EYA3: variants seen among roughly 807,000 people sequenced by gnomAD.
EYA3 encodes the protein EYA transcriptional coactivator and phosphatase 3, also known as protein phosphatase EYA3.
In EYA3, 39 loss-of-function variants were observed where a neutral mutation model predicts 80.0. The ratio of observed to expected loss-of-function variants is 0.49; its 90% CI spans 0.38 to 0.64. The LOEUF is 0.64. Among genes scored for constraint, EYA3 ranks in the 30% least tolerant of loss-of-function variants. EYA3 has a pLI of 0.00. For synonymous variants in EYA3, 206 were observed against 232.8 expected (o/e 0.88, Z 1.05); for missense variants, 523 against 676.1 (o/e 0.77, Z 2.51).
intron 7 of EYA3, among the ~76,000 whole-genome samples, chr1:28,021,318 CA>C (rs1389030217): frequency 1.3e-5 from 2 of 152,204 alleles, no homozygotes; most frequent in Non-Finnish European, 2.9e-5. Context: ...CTCACTTCCT[CA>C]AAGAGGGTCT....
chr1:27,989,721 T>G lies in EYA3; in HGVS notation c.1394A>C (p.Lys465Thr), dbSNP rs1369691290. 1 of 1,611,834 alleles carries G rather than the reference T, an allele frequency of 6.2e-7. No individual in the cohort carries two copies. Reference sequence around the variant, plus strand: ...CCTGGACTGGATGAGAAGTAAGGACTTTAATGCAGTTCCTAACCAGGAATC... The same window carrying G: ...CCTGGACTGGATGAGAAGTAAGGACGTTAATGCAGTTCCTAACCAGGAATC... ...LTDSWLGTAL[K>T]SLLLIQSRKN... Residue 465 changes from lysine (K) to threonine (T), a missense_variant, in exon 15 of 18, where the codon AAG becomes ACG. Around this residue, in one of 2 missense-constraint regions of EYA3, gnomAD observed 219 missense variants for 332.8 expected, o/e 0.66. Transcript: ENST00000373871.
At chr1:28,042,729 C>T in intron 3 of EYA3, 79 bp from the exon 4 acceptor site, 1 of 1,095,368 alleles carries the variant, frequency 9.1e-7, no homozygotes, top group African/African-American at 1.5e-5. Context: ...AAACCCATTT[C>T]CTCCTAGGCT....
intron 13 of EYA3, among the ~76,000 whole-genome samples, chr1:27,995,372 C>A (rs543541947): frequency 7.6e-6 from 1 of 131,286 alleles, no homozygotes; most frequent in African/African-American, 2.9e-5. Flanking sequence ...TATATGATCA[C>A]AACACTGCAC....
intron 3 of EYA3, among the ~76,000 whole-genome samples, chr1:28,045,963 C>T (rs1474545300): frequency 6.6e-6 from 1 of 152,102 alleles, no homozygotes; most frequent in East Asian, 1.9e-4. Flanking sequence ...ACACATGCTA[C>T]AAATGGATAG....
In EYA3 at chr1:28,040,101, A is replaced by C. The variant is rs188812056; in HGVS notation, c.158-1196T>G. 2.0e-3 allele frequency among the ~76,000 whole-genome samples: 301 copies of C among 152,342 alleles called. 2 individuals are homozygous for C. The highest frequency in any genetic ancestry group is 0.018 in the Admixed American group (275 of 15,302). On this transcript the variant is annotated intron_variant, in intron 4 of 17. Coordinates refer to ENST00000373871, the MANE Select transcript of EYA3 (RefSeq NM_001990.4). ...GATCTTCACAGTACTTGGGAACCAC[A>C]AAATGATTATAAAGAGTCAAGATAT...
intron 7 of EYA3, among the ~76,000 whole-genome samples, chr1:28,018,367 CT>C (rs761224152): frequency 1.3e-5 from 2 of 152,104 alleles, no homozygotes; most frequent in Non-Finnish European, 2.9e-5. Flanking sequence ...TAACCAGTGA[CT>C]TTTCTCAGGT....
intron 6 of EYA3, among the ~76,000 whole-genome samples, chr1:28,032,498 C>T (rs1304977825): frequency 3.3e-5 from 5 of 152,060 alleles, no homozygotes; most frequent in African/African-American, 1.2e-4. Context: ...ATGAAATGAA[C>T]ATCCTTAAGG....
At position 28,013,429 on chromosome 1, in the gene EYA3, TA is replaced by T. The variant is rs1557567873; in HGVS notation, c.586-136del. ...TAATTTGACTTCTCATTTACCTACC[TA>T]AAAGTCTCCAATCTAAATCAATGAT... On this transcript the variant is annotated intron_variant, in intron 8 of 17. Coordinates refer to ENST00000373871, the MANE Select transcript of EYA3 (RefSeq NM_001990.4). This position sits in a 1 kb window ranked among gnomAD's most constrained non-coding sequence, Gnocchi z 4.0. 3.0e-5 allele frequency: 23 copies of T among 768,622 alleles called. No homozygotes were observed. Among genetic ancestry groups the T allele is most frequent in the Non-Finnish European group, 4.3e-5 (22 of 508,274 alleles). 47.6% of individuals were successfully genotyped at this position (768,622 alleles called of 1,614,324 possible). A position where few individuals can be genotyped will look rare whatever the true frequency, so the allele number is the denominator to read the frequency against.
chr1:28,072,081 A>G (rs774546932), intron 1 of EYA3, among the ~76,000 whole-genome samples: 24 of 152,158 alleles, frequency 1.6e-4, no homozygotes, highest in Non-Finnish European at 2.9e-4. Context: ...GCAACTCAAA[A>G]TGATGACACA....
At chr1:27,987,449 C>A (rs1038293347) in intron 16 of EYA3, among the ~76,000 whole-genome samples, 1 of 152,004 alleles carries the variant, frequency 6.6e-6, no homozygotes, top group Non-Finnish European at 1.5e-5. Flanking sequence ...TCTTTGAGAC[C>A]CTGCTTTTGG....
intron 1 of EYA3, among the ~76,000 whole-genome samples, chr1:28,068,749 C>A (rs960943200): frequency 2.0e-5 from 3 of 152,052 alleles, no homozygotes; most frequent in Non-Finnish European, 4.4e-5. Context: ...AACCGTAAGT[C>A]CTTAATTTAA....
intron 1 of EYA3, among the ~76,000 whole-genome samples, chr1:28,081,060 G>C (rs1645408839): frequency 6.6e-6 from 1 of 151,948 alleles, no homozygotes; most frequent in Non-Finnish European, 1.5e-5. Flanking sequence ...CCCGGCCGAT[G>C]GTTCTCTAAA....
chr1:28,042,116 C>A (rs1253940973), intron 4 of EYA3, among the ~76,000 whole-genome samples: 1 of 152,126 alleles, frequency 6.6e-6, no homozygotes, highest in Non-Finnish European at 1.5e-5. Flanking sequence ...ACATTACAAA[C>A]AAGTATTCTA....
intron 1 of EYA3, among the ~76,000 whole-genome samples, chr1:28,076,301 T>C (rs1645197613): frequency 1.3e-5 from 2 of 152,240 alleles, no homozygotes; most frequent in Non-Finnish European, 2.9e-5. Context: ...CTATTTATAG[T>C]AACTTTACAC....
chr1:27,978,314 C>T, intron 17 of EYA3, 60 bp downstream of exon 17: 5 of 1,227,772 alleles, frequency 4.1e-6, no homozygotes, highest in Middle Eastern at 3.8e-4. Flanking sequence ...TGTAGTTTTT[C>T]CCATTTTTCT....
At chr1:28,079,390 C>T (rs1328693125) in intron 1 of EYA3, among the ~76,000 whole-genome samples, 1 of 152,222 alleles carries the variant, frequency 6.6e-6, no homozygotes, top group Non-Finnish European at 1.5e-5. Context: ...GAGCAAACTG[C>T]TTCATTCCTC....
chr1:27,989,126 T>C (rs925834581), intron 15 of EYA3, among the ~76,000 whole-genome samples: 3 of 152,238 alleles, frequency 2.0e-5, no homozygotes, highest in Admixed American at 6.5e-5. Context: ...ATATGTCCTT[T>C]ACCTTCACCA....
At chr1:28,074,187 A>G (rs1171219018) in intron 1 of EYA3, among the ~76,000 whole-genome samples, 1 of 152,162 alleles carries the variant, frequency 6.6e-6, no homozygotes, top group Non-Finnish European at 1.5e-5. Flanking sequence ...ATAAATTCTT[A>G]TTTTTATTCT....
chr1:28,087,884 C>A (rs960270703), intron 1 of EYA3, among the ~76,000 whole-genome samples: 4 of 152,242 alleles, frequency 2.6e-5, no homozygotes, highest in Non-Finnish European at 5.9e-5. Flanking sequence ...ACTATGGAAG[C>A]TACCAGAGTT....
Sources: gnomAD v4.1 joint callset for allele counts (sites outside exome capture counted in the v4.1 genomes callset) on GRCh38, gnomAD v4.1.1 for gene constraint, gnomAD v4.1.1 regional missense constraint, Gnocchi (gnomAD v3.1) non-coding constraint, MANE v1.5 for transcripts, NCBI Gene and HGNC (gene_info 2026-07-23, HGNC 2026-07-21) for gene names.